The following SLC37A1 variants were observed in gnomAD, a reference collection of about 807,000 sequenced individuals.
SLC37A1 encodes glucose-6-phosphate exchanger SLC37A1.
SLC37A1 carries 49 observed loss-of-function variants against 75.3 expected under a neutral mutation model. That is an observed-to-expected ratio of 0.65 (90% CI 0.52 to 0.83). The LOEUF (loss-of-function observed/expected upper bound fraction) is 0.83. SLC37A1 is among the 40% of genes least tolerant of loss of function. SLC37A1 has a pLI of 0.00. For missense variants in SLC37A1, 566 were observed against 695.0 expected, an observed-to-expected ratio of 0.81 and a Z score of 2.09; for synonymous variants, 268 against 292.1, an observed-to-expected ratio of 0.92 and a Z score of 0.84.
chr21:42,510,750 C>T (rs1477404506), upstream of SLC37A1, among the ~76,000 whole-genome samples: 2 of 152,104 alleles, frequency 1.3e-5, no homozygotes, highest in Non-Finnish European at 2.9e-5. Context: ...AAGTCAAAAA[C>T]TTCATAAGAG....
At chr21:42,510,883 C>T (rs139843501), upstream of SLC37A1, among the ~76,000 whole-genome samples, 1,534 of 152,206 alleles carry the variant, frequency 0.01, 21 homozygotes, top group African/African-American at 0.035. Context: ...AGAGAAATAG[C>T]AATACAGTAA....
chr21:42,520,890 T>C (rs1374673791), intron 2 of SLC37A1, among the ~76,000 whole-genome samples: 5 of 152,252 alleles, frequency 3.3e-5, no homozygotes, highest in African/African-American at 1.2e-4. Context: ...GGACTCTGAC[T>C]TGTCAAATCT....
At chr21:42,577,267 T>C (rs1402047509) in intron 18 of SLC37A1, among the ~76,000 whole-genome samples, 1 of 152,156 alleles carries the variant, frequency 6.6e-6, no homozygotes, top group East Asian at 1.9e-4. Flanking sequence ...CCATATAAAA[T>C]AGGGGCCAGC....
Position 42,559,051 on chromosome 21 carries a change from A to G in SLC37A1, c.943A>G (p.Thr315Ala). Residue 315 changes from threonine (T) to alanine (A), a missense_variant, in exon 11 of 20, where the codon ACG (threonine) becomes GCG (alanine). Coordinates refer to ENST00000352133, the MANE Select transcript of SLC37A1 (RefSeq NM_001320537.2). Reference sequence around the variant, plus strand: ...TCTCCCCGGGGACGGTGGGAGTGGCACGGCCGCCATCAGCTTCACAGGGGC... The same window carrying G: ...TCTCCCCGGGGACGGTGGGAGTGGCGCGGCCGCCATCAGCTTCACAGGGGC... ...VILPGDGGSG[T>A]AAISFTGALK... The G allele has an allele frequency of 6.2e-7, 1 of 1,613,334 alleles. No homozygotes were observed. The highest frequency in any genetic ancestry group is 1.7e-5 in the Admixed American group (1 of 59,900).
upstream of SLC37A1, among the ~76,000 whole-genome samples, chr21:42,513,086 C>G (rs1034618317): frequency 6.6e-6 from 1 of 152,236 alleles, no homozygotes; most frequent in Non-Finnish European, 1.5e-5. Flanking sequence ...TGCTCTTCCC[C>G]GAGGAGTGGG....
At chr21:42,528,688 G>C (rs1456359143) in intron 3 of SLC37A1, among the ~76,000 whole-genome samples, 2 of 152,184 alleles carry the variant, frequency 1.3e-5, no homozygotes, top group African/African-American at 4.8e-5. Flanking sequence ...AATTAACCAG[G>C]CATGGTGACA....
At position 42,562,244 on chromosome 21, in the gene SLC37A1, T is replaced by C; in HGVS notation, c.1072+76T>C. Reference sequence around the variant, plus strand: ...GAAGTCTCTTCTGTCTGCTGGTTTCTAGAGTATTGAAAACACAAGGTCATG... The same window carrying C: ...GAAGTCTCTTCTGTCTGCTGGTTTCCAGAGTATTGAAAACACAAGGTCATG... On this transcript the variant is annotated intron_variant, in intron 12 of 19. Transcript: ENST00000352133. 7 of 1,336,508 alleles carry C rather than the reference T, an allele frequency of 5.2e-6. No individual in the cohort carries two copies. In the Middle Eastern group the frequency reaches 9.4e-4, roughly 179 times the overall value. The allele number at this position is 1,336,508 out of a possible 1,614,324, so 82.8% of individuals were successfully genotyped here. A position where few individuals can be genotyped will look rare whatever the true frequency, so the allele number is the denominator to read the frequency against.
At position 42,565,892 on chromosome 21, in the gene SLC37A1, T is replaced by C. The variant is rs747173006; in HGVS notation, c.1270+17T>C. The C allele has an allele frequency of 2.5e-6, 4 of 1,609,374 alleles. No individual in the cohort carries two copies. The Admixed American group carries it at 5.1e-5, about 20-fold the overall frequency. ...CCACCATCGGTGAGTATGGAGGCCT[T>C]CCTGCTTTTCTTCCACACACGTTTT... On this transcript the variant is annotated intron_variant, in intron 15 of 19. Coordinates refer to ENST00000352133, the MANE Select transcript of SLC37A1 (RefSeq NM_001320537.2).
chr21:42,521,700 C>G (rs916462332), intron 2 of SLC37A1, among the ~76,000 whole-genome samples: 1 of 152,178 alleles, frequency 6.6e-6, no homozygotes, highest in African/African-American at 2.4e-5. Flanking sequence ...TGGTGGAAGC[C>G]AAGCATGCTA....
At chr21:42,508,018 T>C (rs936171662) in intron 2 of SLC37A1, among the ~76,000 whole-genome samples, 1 of 135,428 alleles carries the variant, frequency 7.4e-6, no homozygotes, top group Non-Finnish European at 1.7e-5. Context: ...AAAAGTACCA[T>C]GTCCATAAAT....
intron 1 of SLC37A1, among the ~76,000 whole-genome samples, chr21:42,500,629 TC>T (rs2054333329): frequency 6.6e-6 from 1 of 152,236 alleles, no homozygotes; most frequent in African/African-American, 2.4e-5. Context: ...TCGTTTTCAG[TC>T]GTGTTTTTTT....
chr21:42,565,681 C>A, intron 14 of SLC37A1, 146 bp from the exon 15 acceptor site: 1 of 669,000 alleles, frequency 1.5e-6, no homozygotes, highest in Non-Finnish European at 2.6e-6. Context: ...CGGGAGGGGG[C>A]GTGGCCGTCA....
intron 16 of SLC37A1, among the ~76,000 whole-genome samples, chr21:42,568,066 G>A (rs1199773123): frequency 6.6e-6 from 1 of 152,272 alleles, no homozygotes; most frequent in Non-Finnish European, 1.5e-5. Flanking sequence ...CTCTCACGCT[G>A]GCTGCTCTGG....
At chr21:42,533,513 TG>T (rs1224366903) in intron 3 of SLC37A1, among the ~76,000 whole-genome samples, 2 of 152,104 alleles carry the variant, frequency 1.3e-5, no homozygotes, top group African/African-American at 4.8e-5. Context: ...GGCGCTGTCC[TG>T]GAAGTGTTGT....
intron 3 of SLC37A1, among the ~76,000 whole-genome samples, chr21:42,529,114 C>G (rs1317956849): frequency 1.3e-5 from 2 of 151,720 alleles, no homozygotes; most frequent in Non-Finnish European, 2.9e-5. Flanking sequence ...TATTTTAATA[C>G]CATAATCAAA....
rs559765596 is a variant in SLC37A1, at chr21:42,554,132, A to C, written c.839A>C (p.Asn280Thr). The change falls in exon 10 of 20, where the codon AAC becomes ACC. Residue 280 changes from asparagine (N) to threonine (T), a missense_variant. Asn to Thr is a moderately conservative substitution (Grantham distance 65). Coordinates refer to ENST00000352133, the MANE Select transcript of SLC37A1 (RefSeq NM_001320537.2). The part of the protein sequence containing the change: ...LQKQILKSEK[N>T]KPLDPEMQCL... ...AAGCAAATCTTGAAGAGCGAAAAGAACAAGCCTCTGGTAAGTCACACACAA... is the reference window on the plus strand; with the variant it reads ...AAGCAAATCTTGAAGAGCGAAAAGACCAAGCCTCTGGTAAGTCACACACAA... 1.9e-6 allele frequency: 3 copies of C among 1,613,628 alleles called. No individual in the cohort carries two copies. The South Asian group carries it at 3.3e-5, about 18-fold the overall frequency.
intron 10 of SLC37A1, among the ~76,000 whole-genome samples, chr21:42,557,313 C>T (rs1338265827): frequency 6.6e-6 from 1 of 152,226 alleles, no homozygotes; most frequent in Non-Finnish European, 1.5e-5. Context: ...TGGGGGAATT[C>T]GAGGCTTCTC....
chr21:42,521,843 T>C (rs1344412571), intron 2 of SLC37A1, among the ~76,000 whole-genome samples: 1 of 152,260 alleles, frequency 6.6e-6, no homozygotes, highest in African/African-American at 2.4e-5. Context: ...AGGATTATAT[T>C]AGCCTCCTGG....
intron 17 of SLC37A1, 128 bp from the exon 18 acceptor site, chr21:42,574,690 G>C: frequency 3.7e-6 from 3 of 809,086 alleles, no homozygotes; most frequent in East Asian, 5.4e-5. Flanking sequence ...GCCAGGATGA[G>C]GTAGTGTAGT....
Sources: gnomAD v4.1 joint callset for allele counts (sites outside exome capture counted in the v4.1 genomes callset) on GRCh38, gnomAD v4.1.1 for gene constraint, MANE v1.5 for transcripts, NCBI Gene and HGNC (gene_info 2026-07-23, HGNC 2026-07-21) for gene names.